KDM5B: variants seen among roughly 807,000 people sequenced by gnomAD.
KDM5B encodes lysine-specific demethylase 5B.
In KDM5B, 144 loss-of-function variants were observed where a neutral mutation model predicts 193.4. That is an observed-to-expected ratio of 0.74 (90% CI 0.65 to 0.86). KDM5B has a LOEUF of 0.86. Ranked by LOEUF, KDM5B falls within the 40% of genes least tolerant of loss-of-function variation. The probability of loss-of-function intolerance (pLI) is 0.00; values close to 1 mark genes in which losing one functional copy is unlikely to be tolerated. For synonymous variants in KDM5B, 668 were observed against 682.6 expected (o/e 0.98, Z 0.33); for missense variants, 1,833 against 1,886.9 (o/e 0.97, Z 0.53).
intron 4 of KDM5B, chr1:202,767,415 C>T: frequency 7.2e-7 from 1 of 1,390,792 alleles, no homozygotes; most frequent in Non-Finnish European, 1.0e-6. Context: ...TGCTCTAGCC[C>T]AACATAGCGC....
At chr1:202,762,349 G>A (rs537068189) in intron 7 of KDM5B, among the ~76,000 whole-genome samples, 18 of 152,070 alleles carry the variant, frequency 1.2e-4, no homozygotes, top group Admixed American at 6.5e-4. Flanking sequence ...ATTTTTGAGC[G>A]AGCCTTCAGC....
intron 9 of KDM5B, 118 bp downstream of exon 9, chr1:202,758,273 C>A: frequency 2.9e-6 from 2 of 691,788 alleles, no homozygotes; most frequent in South Asian, 4.1e-5. Context: ...AAGTTTCATT[C>A]TGCTTTCTGT....
rs756038391 is a variant in KDM5B at position 202,755,460 on chromosome 1, T to G, written c.1357-8A>C. 3 of 1,605,232 alleles carry G rather than the reference T, an allele frequency of 1.9e-6. No homozygotes were observed. Among genetic ancestry groups the G allele is most frequent in the Admixed American group, 3.4e-5 (2 of 59,694 alleles). The stretch of plus-strand genomic sequence containing the variant: ...GCCACTATCAAGATACTCCTAAAAA[T>G]AAGAAGACAAAAGAGGATAAAGGTT... On this transcript the variant is annotated splice_region_variant and splice_polypyrimidine_tract_variant and intron_variant, in intron 10 of 26. Transcript: ENST00000367265.
intron 1 of KDM5B, chr1:202,796,086 T>C (rs1455263185): frequency 9.8e-6 from 2 of 204,888 alleles, no homozygotes; most frequent in African/African-American, 2.4e-5. Flanking sequence ...GGTCTCACGT[T>C]TCAAGGGCTG....
At position 202,724,734 on chromosome 1, in the gene KDM5B, T is replaced by TTG. The variant is rs1553347958; in HGVS notation, c.*4300_*4301dup. Reference sequence around the variant, plus strand: ...TGTCCTGATCATACACAGAAGGGGCTTGTGTGTGTGTTTGTGTGTGTGTGT... The same window carrying TTG: ...TGTCCTGATCATACACAGAAGGGGCTTGTGTGTGTGTGTTTGTGTGTGTGTGT... On this transcript the variant is annotated 3_prime_UTR_variant, in exon 27 of 27. Transcript: ENST00000367265. 3.0e-5 allele frequency: 3 copies of TTG among 98,924 alleles called. No homozygotes were observed. The highest frequency in any genetic ancestry group is 7.3e-5 in the Non-Finnish European group (3 of 40,880). The allele number at this position is 98,924 out of a possible 1,614,324, so 6.1% of individuals were successfully genotyped here. A position where few individuals can be genotyped will look rare whatever the true frequency, so the allele number is the denominator to read the frequency against.
At position 202,749,159 on chromosome 1, in the gene KDM5B, G is replaced by C; in HGVS notation, c.1822-20C>G. 1 of 1,589,128 alleles carries C rather than the reference G, an allele frequency of 6.3e-7. No individual in the cohort carries two copies. Among genetic ancestry groups the C allele is most frequent in the Non-Finnish European group, 8.6e-7 (1 of 1,169,400 alleles). On this transcript the variant is annotated intron_variant, in intron 13 of 26. Transcript: ENST00000367265. ...TGGCAGCTGTATCAAAACACGGAAA[G>C]AAAAAAATAACATTCATCTTTCTTC...
At chr1:202,775,427 C>T (rs944020180) in intron 2 of KDM5B, among the ~76,000 whole-genome samples, 4 of 151,776 alleles carry the variant, frequency 2.6e-5, no homozygotes, top group African/African-American at 9.7e-5. Flanking sequence ...ATCCCAGCTA[C>T]TCAGGAGGCT....
chr1:202,753,664 G>GTTTTTTTTTTT (rs771281999), intron 11 of KDM5B, among the ~76,000 whole-genome samples: 1 of 105,784 alleles, frequency 9.5e-6, no homozygotes, highest in African/African-American at 2.9e-5. Flanking sequence ...TGTTGTTGTT[G>GTTTTTTTTTTT]TTTTTTTTTT....
chr1:202,758,296 A>G (rs1656100126), intron 9 of KDM5B, 95 bp downstream of exon 9: 1 of 959,208 alleles, frequency 1.0e-6, no homozygotes, highest in Non-Finnish European at 1.5e-6. Flanking sequence ...GACAATGCCT[A>G]CTAGAGTGAG....
At chr1:202,772,489 C>A (rs1656761208) in intron 4 of KDM5B, among the ~76,000 whole-genome samples, 1 of 152,120 alleles carries the variant, frequency 6.6e-6, no homozygotes, top group African/African-American at 2.4e-5. Flanking sequence ...ACAGCTTATA[C>A]CTTCATATGA....
At position 202,755,300 on chromosome 1, in the gene KDM5B, G is replaced by A. The variant is rs971865594; in HGVS notation, c.1509C>T (p.His503=). ...GCAAGTAGTTAATTGAATAGCTCCA[G>A]TGGTCTTCAATGTGCCAACAGAATG... The part of the protein sequence containing the change: ...FSSFCWHIED[H]WSYSINYLHW... Residue 503 remains histidine, a synonymous_variant, in exon 11 of 27, where the codon CAC becomes CAT. Coordinates refer to ENST00000367265, the MANE Select transcript of KDM5B (RefSeq NM_006618.5). 23 of 1,613,974 alleles carry A rather than the reference G, an allele frequency of 1.4e-5. No homozygotes were observed. Among genetic ancestry groups the A allele is most frequent in the Non-Finnish European group, 1.9e-5 (22 of 1,179,986 alleles).
chr1:202,759,419 T>C (rs1448031644), intron 8 of KDM5B, among the ~76,000 whole-genome samples: 1 of 151,984 alleles, frequency 6.6e-6, no homozygotes, highest in African/African-American at 2.4e-5. Flanking sequence ...TGCAAGCCTG[T>C]AGTCCCAGCT....
At chr1:202,740,106 G>A (rs1655252939) in intron 20 of KDM5B, among the ~76,000 whole-genome samples, 1 of 134,366 alleles carries the variant, frequency 7.4e-6, no homozygotes, top group Non-Finnish European at 1.7e-5. Flanking sequence ...GCATGGGGCT[G>A]ACCCCCCCCA....
At position 202,748,947 on chromosome 1, in the gene KDM5B, A is replaced by G. The variant is rs765093509; in HGVS notation, c.2014T>C (p.Leu672=). The G allele has an allele frequency of 6.2e-7, 1 of 1,609,248 alleles. No homozygotes were observed. Among genetic ancestry groups the G allele is most frequent in the Admixed American group, 1.7e-5 (1 of 59,090 alleles). ...AGTTGGATTTCCATAAGCCTTACCAATTTACGGACAGTTTCTCTTAAAGCT... is the reference window on the plus strand; with the variant it reads ...AGTTGGATTTCCATAAGCCTTACCAGTTTACGGACAGTTTCTCTTAAAGCT... ...EKALRETVRK[L]GVIDSERMDF... Residue 672 remains leucine, a splice_region_variant and synonymous_variant, in exon 14 of 27, where the codon TTG becomes CTG. Transcript: ENST00000367265.
At chr1:202,771,315 T>C (rs542064026) in intron 4 of KDM5B, among the ~76,000 whole-genome samples, 10 of 152,156 alleles carry the variant, frequency 6.6e-5, no homozygotes. Context: ...CATTGCAACC[T>C]CTGCCTCCCG....
At position 202,756,345 on chromosome 1, in the gene KDM5B, C is replaced by T; in HGVS notation, c.1356+13G>A. The T allele has an allele frequency of 1.9e-6, 3 of 1,594,250 alleles. No individual in the cohort carries two copies. The highest frequency in any genetic ancestry group is 2.6e-6 in the Non-Finnish European group (3 of 1,171,038). The stretch of plus-strand genomic sequence containing the variant: ...AATAAATACCTCAATTTCCAAGCCA[C>T]TTATATGCCTACCTCTTCCTCAGGT... On this transcript the variant is annotated intron_variant, in intron 10 of 26. Transcript: ENST00000367265.
At chr1:202,805,896 G>A (rs1287999287) in intron 1 of KDM5B, among the ~76,000 whole-genome samples, 1 of 152,148 alleles carries the variant, frequency 6.6e-6, no homozygotes, top group East Asian at 1.9e-4. Context: ...AACAAAGGAG[G>A]AAGCAAGTCC....
intron 10 of KDM5B, 130 bp downstream of exon 10, chr1:202,756,228 T>C (rs1656005557): frequency 1.3e-6 from 1 of 780,268 alleles, no homozygotes; most frequent in Non-Finnish European, 2.1e-6. Flanking sequence ...CTGTAGGCTC[T>C]TTCTACTTTT....
intron 2 of KDM5B, among the ~76,000 whole-genome samples, chr1:202,776,406 A>T (rs1489761846): frequency 6.6e-6 from 1 of 151,962 alleles, no homozygotes; most frequent in Non-Finnish European, 1.5e-5. Flanking sequence ...TTATATGGCA[A>T]GTAAATATGC....
Sources: gnomAD v4.1 joint callset for allele counts (sites outside exome capture counted in the v4.1 genomes callset) on GRCh38, gnomAD v4.1.1 for gene constraint, MANE v1.5 for transcripts, NCBI Gene and HGNC (gene_info 2026-07-23, HGNC 2026-07-21) for gene names.